SLC15A2: variants seen among roughly 807,000 people sequenced by gnomAD.
The protein encoded by SLC15A2 is solute carrier family 15 member 2, also known as kidney H(+)/peptide cotransporter.
Under a neutral mutation model 95.5 loss-of-function variants are expected in SLC15A2, and 77 were observed. That is an observed-to-expected ratio of 0.81 (90% CI 0.67 to 0.97). SLC15A2 has a LOEUF of 0.97. SLC15A2 is among the 50% of genes least tolerant of loss of function. The pLI is 0.00. For missense variants in SLC15A2, 893 were observed against 874.4 expected, an observed-to-expected ratio of 1.02 and a Z score of -0.27; for synonymous variants, 306 against 306.9, an observed-to-expected ratio of 1.00 and a Z score of 0.03.
intron 3 of SLC15A2, among the ~76,000 whole-genome samples, chr3:121,904,747 G>A (rs940240477): frequency 1.1e-4 from 17 of 152,316 alleles, no homozygotes; most frequent in Admixed American, 2.6e-4. Flanking sequence ...GCTGGATTCG[G>A]TTTGCCAGTA....
intron 7 of SLC15A2, among the ~76,000 whole-genome samples, chr3:121,921,123 T>C (rs996274834): frequency 3.3e-5 from 5 of 152,222 alleles, no homozygotes; most frequent in Non-Finnish European, 7.3e-5. Context: ...GACAGAGATA[T>C]GGGCTGAAAG....
rs1228258871 is a variant in SLC15A2, at chr3:121,928,581, G to A, written c.1341+26G>A. The stretch of plus-strand genomic sequence containing the variant: ...GTGAGGTGTGTACCTGAATGAATTA[G>A]AAACTCTGTATGCTATATTGATCTT... On this transcript the variant is annotated intron_variant, in intron 15 of 21. Coordinates refer to ENST00000489711, the MANE Select transcript of SLC15A2 (RefSeq NM_021082.4). The A allele has an allele frequency of 5.6e-6, 9 of 1,609,494 alleles. No homozygotes were observed. The Admixed American group carries it at 1.5e-4, about 27-fold the overall frequency.
intron 16 of SLC15A2, 31 bp downstream of exon 16, chr3:121,929,177 T>A: frequency 6.2e-7 from 1 of 1,606,042 alleles, no homozygotes; most frequent in South Asian, 1.1e-5. Context: ...TGTTTTCAGT[T>A]GTCATCTCAA....
intron 2 of SLC15A2, among the ~76,000 whole-genome samples, chr3:121,896,922 G>T (rs1881996): frequency 0.57 from 73,428 of 129,778 alleles, 22,080 homozygotes; most frequent in East Asian, 0.71. Context: ...AAAAAAAAGG[G>T]GGGGGAGGGA....
chr3:121,902,982 T>C (rs145204362), intron 3 of SLC15A2, among the ~76,000 whole-genome samples: 2,730 of 152,296 alleles, frequency 0.018, 89 homozygotes, highest in African/African-American at 0.062. Flanking sequence ...AGTGTAAAAG[T>C]GTTCCTATTT....
chr3:121,937,090 G>T (rs1576693565), intron 19 of SLC15A2, among the ~76,000 whole-genome samples: 1 of 128,642 alleles, frequency 7.8e-6, no homozygotes, highest in Non-Finnish European at 1.6e-5. Flanking sequence ...TTGAATATTG[G>T]CCCCCACTCT....
chr3:121,897,582 G>A (rs555907155), intron 3 of SLC15A2, 53 bp downstream of exon 3: 12 of 1,593,622 alleles, frequency 7.5e-6, no homozygotes, highest in East Asian at 2.2e-5. Flanking sequence ...TGTGCAGAAG[G>A]CTATCACTTC....
chr3:121,933,750 GA>G (rs1361290268), intron 19 of SLC15A2, among the ~76,000 whole-genome samples: 1 of 151,748 alleles, frequency 6.6e-6, no homozygotes, highest in Non-Finnish European at 1.5e-5. Context: ...TTGCTGTGCA[GA>G]AGCTCTTTAG....
chr3:121,927,298 T>C (rs750334281), intron 13 of SLC15A2, among the ~76,000 whole-genome samples: 1 of 152,226 alleles, frequency 6.6e-6, no homozygotes, highest in Non-Finnish European at 1.5e-5. Context: ...CATGTTGAAA[T>C]GTAATTCCCA....
At chr3:121,922,900 A>T (rs778248639) in intron 9 of SLC15A2, 39 bp downstream of exon 9, 1 of 1,577,358 alleles carries the variant, frequency 6.3e-7, no homozygotes, top group Non-Finnish European at 8.7e-7. Flanking sequence ...GGCTTGATAG[A>T]GTCTTTCCTA....
Position 121,927,773 on chromosome 3 carries a change from G to C in SLC15A2, c.1140G>C (p.Met380Ile). ...TCCACCACAGATCACTTAGGAAAAT[G>C]GCTGTTGGTATGATCCTAGCATGCC... ...CGINFSSLRK[M>I]AVGMILACLA... Residue 380 changes from methionine to isoleucine, a missense_variant, in exon 14 of 22, where the codon ATG (methionine) becomes ATC (isoleucine). Coordinates refer to ENST00000489711, the MANE Select transcript of SLC15A2 (RefSeq NM_021082.4). 2 of 1,613,550 alleles carry C rather than the reference G, an allele frequency of 1.2e-6. No individual in the cohort carries two copies. The highest frequency in any genetic ancestry group is 1.3e-5 in the African/African-American group (1 of 75,034).
At chr3:121,921,899 A>G (rs1021742985) in intron 7 of SLC15A2, among the ~76,000 whole-genome samples, 1 of 152,236 alleles carries the variant, frequency 6.6e-6, no homozygotes, top group African/African-American at 2.4e-5. Flanking sequence ...GAAGTCAAAG[A>G]TGACTTCCAC....
rs1211395238 is a variant in SLC15A2 at position 121,939,399 on chromosome 3, C to T, written c.1812C>T (p.Asn604=). The T allele has an allele frequency of 6.3e-7, 1 of 1,581,466 alleles. No homozygotes were observed. Among genetic ancestry groups the T allele is most frequent in the Non-Finnish European group, 8.6e-7 (1 of 1,164,500 alleles). The stretch of plus-strand genomic sequence containing the variant: ...GGAAGATTGAAGACATTCCAGCCAA[C>T]AAAATGTCCATTGCGTGGCAGCTAC... ...QAWKIEDIPA[N]KMSIAWQLPQ... is the part of the protein sequence containing the mutation. Residue 604 remains asparagine, a synonymous_variant, in exon 20 of 22, where the codon AAC becomes AAT. Transcript: ENST00000489711.
chr3:121,922,839 A>T lies in SLC15A2; in HGVS notation c.845A>T (p.Asp282Val). 6.2e-7 allele frequency: 1 copy of T among 1,613,958 alleles called. No individual in the cohort carries two copies. Reference sequence around the variant, plus strand: ...ATTCCAAAGCGACAGCACTGGCTAGACTGGGCGGCTGAGAAATATCCAGTA... The same window carrying T: ...ATTCCAAAGCGACAGCACTGGCTAGTCTGGGCGGCTGAGAAATATCCAGTA... ...GDIPKRQHWL[D>V]WAAEKYPKQL... The change falls in exon 9 of 22, where the codon GAC becomes GTC. Residue 282 changes from aspartate to valine, a missense_variant. Coordinates refer to ENST00000489711, the MANE Select transcript of SLC15A2 (RefSeq NM_021082.4).
Position 121,930,827 on chromosome 3 carries a change from T to C in SLC15A2, c.1554-13T>C, listed in dbSNP as rs1468198209. 1.3e-6 allele frequency: 2 copies of C among 1,531,208 alleles called. No individual in the cohort carries two copies. The highest frequency in any genetic ancestry group is 1.8e-6 in the Non-Finnish European group (2 of 1,105,048). 94.9% of individuals were successfully genotyped at this position (1,531,208 alleles called of 1,614,324 possible). A position where few individuals can be genotyped will look rare whatever the true frequency, so the allele number is the denominator to read the frequency against. ...CTGTTTGTTTGATATGTAAATAATA[T>C]CTCTACCCTCAGGTTTGTTAACACT... On this transcript the variant is annotated splice_polypyrimidine_tract_variant and intron_variant, in intron 17 of 21. Coordinates refer to ENST00000489711, the MANE Select transcript of SLC15A2 (RefSeq NM_021082.4).
chr3:121,911,516 G>A (rs990695107), intron 3 of SLC15A2, 58 bp from the exon 4 acceptor site: 8 of 1,159,368 alleles, frequency 6.9e-6, no homozygotes, highest in African/African-American at 1.5e-5. Context: ...CCCTAAGTCT[G>A]TATTATTCAA....
chr3:121,907,774 A>G (rs1450484876), intron 3 of SLC15A2, among the ~76,000 whole-genome samples: 1 of 152,180 alleles, frequency 6.6e-6, no homozygotes, highest in African/African-American at 2.4e-5. Flanking sequence ...CCCGCCTGTA[A>G]TGAAGTGTCA....
At position 121,922,791 on chromosome 3, in the gene SLC15A2, G is replaced by A. The variant is rs778421141; in HGVS notation, c.797G>A (p.Arg266His). The A allele has an allele frequency of 4.8e-5, 78 of 1,613,234 alleles. No homozygotes were observed. The highest frequency in any genetic ancestry group is 6.7e-5 in the African/African-American group (5 of 74,898). ...FKCIWFAISN[R>H]FKNRSGDIPK... ...CTGCCCTAGTTTGCTATTTCCAATC[G>A]TTTCAAGAACCGTTCTGGAGACATT... Residue 266 changes from arginine to histidine, a missense_variant, in exon 9 of 22, where the codon CGT becomes CAT. By Grantham distance (29) the Arg-to-His change is conservative. Coordinates refer to ENST00000489711, the MANE Select transcript of SLC15A2 (RefSeq NM_021082.4).
chr3:121,896,191 C>T (rs1198086315), intron 1 of SLC15A2, among the ~76,000 whole-genome samples: 2 of 152,126 alleles, frequency 1.3e-5, no homozygotes, highest in Non-Finnish European at 2.9e-5. Context: ...AAATAAGAAA[C>T]AAAATAATAT....
Sources: gnomAD v4.1 joint callset for allele counts (sites outside exome capture counted in the v4.1 genomes callset) on GRCh38, gnomAD v4.1.1 for gene constraint, MANE v1.5 for transcripts, NCBI Gene and HGNC (gene_info 2026-07-23, HGNC 2026-07-21) for gene names.